PTPRZ1: variants seen among roughly 807,000 people sequenced by gnomAD.
PTPRZ1 encodes the protein protein tyrosine phosphatase receptor type Z1, also known as receptor-type tyrosine-protein phosphatase zeta.
In PTPRZ1, 82 loss-of-function variants were observed where a neutral mutation model predicts 214.1. That is an observed-to-expected ratio of 0.38 (90% CI 0.32 to 0.46). The LOEUF is 0.46. PTPRZ1 is among the 20% of genes least tolerant of loss of function. PTPRZ1 has a pLI of 1.00. For synonymous variants in PTPRZ1, 945 were observed against 987.9 expected (o/e 0.96, Z 0.81); for missense variants, 2,603 against 2,748.7 (o/e 0.95, Z 1.19).
chr7:121,990,923 C>T (rs1005106245), intron 8 of PTPRZ1, among the ~76,000 whole-genome samples: 1 of 152,138 alleles, frequency 6.6e-6, no homozygotes, highest in African/African-American at 2.4e-5. Flanking sequence ...CAACTGTATG[C>T]ACGCCTTCCA....
chr7:122,042,163 C>T (rs568250185), intron 21 of PTPRZ1, among the ~76,000 whole-genome samples: 44 of 152,254 alleles, frequency 2.9e-4, no homozygotes, highest in Non-Finnish European at 5.9e-4. Flanking sequence ...TTCCCATTAA[C>T]GCAGAAATCT....
In PTPRZ1 at chr7:121,976,751, A is replaced by G. The variant is rs1185559072; in HGVS notation, c.553-34A>G. The G allele has an allele frequency of 6.0e-6, 9 of 1,496,978 alleles. No individual in the cohort carries two copies. In the Admixed American group the frequency reaches 1.3e-4, roughly 22 times the overall value. 92.7% of individuals were successfully genotyped at this position (1,496,978 alleles called of 1,614,324 possible). A position where few individuals can be genotyped will look rare whatever the true frequency, so the allele number is the denominator to read the frequency against. Reference sequence around the variant, plus strand: ...TATTGAATAGTTATCCAAATGTTTTATTCTTTTTTTAGAATGTGATTCTTT... The same window carrying G: ...TATTGAATAGTTATCCAAATGTTTTGTTCTTTTTTTAGAATGTGATTCTTT... On this transcript the variant is annotated intron_variant, in intron 5 of 29. Transcript: ENST00000393386.
intron 9 of PTPRZ1, among the ~76,000 whole-genome samples, chr7:121,996,875 T>A (rs769769615): frequency 2.0e-5 from 3 of 152,184 alleles, no homozygotes; most frequent in Non-Finnish European, 2.9e-5. Context: ...AGTTGTAGAA[T>A]AGTGCCAGAA....
intron 13 of PTPRZ1, among the ~76,000 whole-genome samples, chr7:122,023,520 TA>T (rs1799090557): frequency 1.9e-5 from 2 of 107,914 alleles, no homozygotes; most frequent in African/African-American, 9.6e-5. Flanking sequence ...ATTTTATATA[TA>T]ATTATATATA....
chr7:121,897,985 A>G (rs188400789), intron 1 of PTPRZ1, among the ~76,000 whole-genome samples: 1 of 152,346 alleles, frequency 6.6e-6, no homozygotes, highest in African/African-American at 2.4e-5. Flanking sequence ...AAATTAAAAG[A>G]AGGAAAAAAG....
rs1322915998 is a variant in PTPRZ1, at chr7:122,013,151, A to G, written c.4105A>G (p.Ile1369Val). The change falls in exon 12 of 30, where the codon ATA (isoleucine) becomes GTA (valine). Residue 1369 changes from isoleucine to valine, a missense_variant. By Grantham distance (29) the Ile-to-Val change is conservative (BLOSUM62 3). Transcript: ENST00000393386. ...TFVSTDHSVP[I>V]GNGHVAITAV... Reference sequence around the variant, plus strand: ...TGTATCTACTGATCATTCTGTTCCTATAGGAAATGGGCATGTTGCCATTAC... The same window carrying G: ...TGTATCTACTGATCATTCTGTTCCTGTAGGAAATGGGCATGTTGCCATTAC... 2 of 1,613,918 alleles carry G rather than the reference A, an allele frequency of 1.2e-6. No homozygotes were observed. Among genetic ancestry groups the G allele is most frequent in the East Asian group, 2.2e-5 (1 of 44,890 alleles).
intron 1 of PTPRZ1, among the ~76,000 whole-genome samples, chr7:121,883,008 A>C (rs1294449741): frequency 2.6e-5 from 4 of 152,194 alleles, no homozygotes; most frequent in African/African-American, 4.8e-5. Context: ...AGAAATATCC[A>C]GGAAGGAAAA....
chr7:121,880,651 A>G (rs1163173126), intron 1 of PTPRZ1, among the ~76,000 whole-genome samples: 1 of 152,210 alleles, frequency 6.6e-6, no homozygotes, highest in Non-Finnish European at 1.5e-5. Context: ...GATCATGGTA[A>G]TAAACAGAGT....
chr7:121,902,216 G>A (rs770722630), intron 1 of PTPRZ1, among the ~76,000 whole-genome samples: 1 of 152,126 alleles, frequency 6.6e-6, no homozygotes, highest in South Asian at 2.1e-4. Context: ...GTTCTGTGAT[G>A]TATATATACC....
chr7:122,055,771 G>A (rs948929624), intron 27 of PTPRZ1, among the ~76,000 whole-genome samples: 1 of 151,822 alleles, frequency 6.6e-6, no homozygotes, highest in South Asian at 2.1e-4. Flanking sequence ...TAACAATGAT[G>A]TCTAAGGAAT....
At chr7:121,881,885 A>T (rs1476808385) in intron 1 of PTPRZ1, among the ~76,000 whole-genome samples, 3 of 152,186 alleles carry the variant, frequency 2.0e-5, no homozygotes, top group African/African-American at 7.2e-5. Context: ...TCAATGATAC[A>T]TATTCTTGTT....
rs188690805 is a variant in PTPRZ1, at chr7:122,014,758, A to T, written c.4843+869A>T. 2.5e-3 allele frequency among the ~76,000 whole-genome samples: 380 copies of T among 152,228 alleles called. 1 individual carries two copies. The highest frequency in any genetic ancestry group is 4.5e-3 in the Admixed American group (69 of 15,282). ...AGGCCAGGGAGGTATTTATGTATTTATTTATTTATTTAGTTTTATTACTAA... is the reference window on the plus strand; with the variant it reads ...AGGCCAGGGAGGTATTTATGTATTTTTTTATTTATTTAGTTTTATTACTAA... On this transcript the variant is annotated intron_variant, in intron 12 of 29. Coordinates refer to ENST00000393386, the MANE Select transcript of PTPRZ1 (RefSeq NM_002851.3).
intron 2 of PTPRZ1, among the ~76,000 whole-genome samples, chr7:121,943,502 A>ATT (rs575337322): frequency 2.6e-5 from 4 of 151,064 alleles, no homozygotes; most frequent in African/African-American, 4.9e-5. Context: ...TGCCCGGCTA[A>ATT]TTTTTTTTTG....
intron 1 of PTPRZ1, among the ~76,000 whole-genome samples, chr7:121,920,448 C>T (rs1795562718): frequency 6.6e-6 from 1 of 152,058 alleles, no homozygotes; most frequent in Admixed American, 6.6e-5. Flanking sequence ...TTTCTTCTCA[C>T]TTCTAATATT....
intron 1 of PTPRZ1, among the ~76,000 whole-genome samples, chr7:121,886,439 G>A (rs1794399374): frequency 1.3e-5 from 2 of 148,868 alleles, no homozygotes; most frequent in Non-Finnish European, 3.0e-5. Flanking sequence ...AAACACAGCT[G>A]AAACATTCCA....
intron 2 of PTPRZ1, among the ~76,000 whole-genome samples, chr7:121,967,611 G>GACATT (rs1797082820): frequency 6.6e-6 from 1 of 152,176 alleles, no homozygotes; most frequent in Admixed American, 6.5e-5. Context: ...CACATTATGA[G>GACATT]AGGTGGCCAT....
chr7:121,937,756 TAG>T (rs1449339292), intron 2 of PTPRZ1, among the ~76,000 whole-genome samples: 2 of 152,112 alleles, frequency 1.3e-5, no homozygotes, highest in Non-Finnish European at 2.9e-5. Context: ...CCTAATTTAG[TAG>T]AATAACTTCT....
chr7:121,889,582 A>G (rs903004193), intron 1 of PTPRZ1, among the ~76,000 whole-genome samples: 2 of 152,210 alleles, frequency 1.3e-5, no homozygotes, highest in Admixed American at 6.5e-5. Flanking sequence ...TATTTCTACC[A>G]TTAGAGAAAA....
chr7:122,000,646 C>CATATATATAT (rs60953788), intron 10 of PTPRZ1, among the ~76,000 whole-genome samples: 45 of 51,690 alleles, frequency 8.7e-4, no homozygotes, highest in Admixed American at 1.3e-3. Context: ...TGATAGATTT[C>CATATATATAT]ATATATATAT....
Sources: gnomAD v4.1 joint callset for allele counts (sites outside exome capture counted in the v4.1 genomes callset) on GRCh38, gnomAD v4.1.1 for gene constraint, MANE v1.5 for transcripts, NCBI Gene and HGNC (gene_info 2026-07-23, HGNC 2026-07-21) for gene names.